TENM4: variants seen among roughly 807,000 people sequenced by gnomAD.
TENM4 encodes the protein teneurin transmembrane protein 4, also known as teneurin-4.
Under a neutral mutation model 243.3 loss-of-function variants are expected in TENM4, and 82 were observed. The observed-to-expected ratio is 0.34, with a 90% CI of 0.28 to 0.40. The LOEUF is 0.40. Among genes scored for constraint, TENM4 ranks in the 10% least tolerant of loss-of-function variants. The pLI is 1.00. For synonymous variants in TENM4, 1,412 were observed against 1,456.3 expected (o/e 0.97, Z 0.69); for missense variants, 3,138 against 3,673.3 (o/e 0.85, Z 3.77).
intron 1 of TENM4, among the ~76,000 whole-genome samples, chr11:79,342,757 G>A (rs1446936492): frequency 6.6e-6 from 1 of 152,114 alleles, no homozygotes; most frequent in Admixed American, 6.5e-5. Context: ...GAGAAATTCT[G>A]CTCTAAGCCT....
At position 79,184,067 on chromosome 11, in the gene TENM4, G is replaced by A. The variant is rs539536707; in HGVS notation, c.-163+31741C>T. On this transcript the variant is annotated intron_variant, in intron 3 of 33. Coordinates refer to ENST00000278550, the MANE Select transcript of TENM4 (RefSeq NM_001098816.3). ...GATGTTTGTACATCTATGTTCACAG[G>A]AGCATTATTGACAACAGTCAAAAGA... Among the ~76,000 whole-genome samples, 1,015 of 152,290 alleles carry A rather than the reference G, an allele frequency of 6.7e-3. 7 individuals are homozygous for A. Among genetic ancestry groups the A allele is most frequent in the African/African-American group, 0.022 (927 of 41,548 alleles).
Position 78,654,317 on chromosome 11 carries a change from G to A in TENM4, c.*3741C>T, listed in dbSNP as rs1857838185. The A allele has an allele frequency of 6.6e-6, 1 of 152,120 alleles. No homozygotes were observed. Among genetic ancestry groups the A allele is most frequent in the African/African-American group, 2.4e-5 (1 of 41,414 alleles). The allele number at this position is 152,120 out of a possible 1,614,324, so 9.4% of individuals were successfully genotyped here. ...GAGCTTGAAAGCTCATTCCTCCTGG[G>A]CAGAAAGCTCAGCATCACCGCCCTC... On this transcript the variant is annotated 3_prime_UTR_variant, in exon 34 of 34. Transcript: ENST00000278550.
chr11:78,801,748 A>G (rs1400704010), intron 15 of TENM4, among the ~76,000 whole-genome samples: 1 of 152,140 alleles, frequency 6.6e-6, no homozygotes, highest in Non-Finnish European at 1.5e-5. Flanking sequence ...AGAACCCAGA[A>G]CCAATGCTGA....
intron 16 of TENM4, among the ~76,000 whole-genome samples, chr11:78,783,497 T>A (rs761983327): frequency 3.3e-5 from 5 of 152,116 alleles, no homozygotes; most frequent in Non-Finnish European, 5.9e-5. Context: ...CTGTGGGCAG[T>A]GGAGGAGGGG....
intron 1 of TENM4, among the ~76,000 whole-genome samples, chr11:79,311,105 G>C (rs142370661): frequency 6.6e-6 from 1 of 152,208 alleles, no homozygotes; most frequent in South Asian, 2.1e-4. Flanking sequence ...GGCGAATGTC[G>C]TAGCTAACAC....
At chr11:79,210,806 G>T (rs1863941231) in intron 3 of TENM4, among the ~76,000 whole-genome samples, 1 of 152,098 alleles carries the variant, frequency 6.6e-6, no homozygotes, top group African/African-American at 2.4e-5. Flanking sequence ...TAGATAACGG[G>T]CATTACTTTA....
intron 3 of TENM4, among the ~76,000 whole-genome samples, chr11:79,203,717 A>G (rs1863792402): frequency 1.3e-5 from 2 of 152,188 alleles, no homozygotes; most frequent in Non-Finnish European, 2.9e-5. Context: ...ACAGTCTCTA[A>G]TTGTGGATTT....
chr11:78,803,754 G>A (rs550285843), intron 15 of TENM4, among the ~76,000 whole-genome samples: 81 of 152,292 alleles, frequency 5.3e-4, no homozygotes, highest in African/African-American at 1.7e-3. Flanking sequence ...AGTGCAAGAC[G>A]CAGTTATATA....
At chr11:78,676,845 T>C (rs535859131) in intron 29 of TENM4, among the ~76,000 whole-genome samples, 1 of 152,352 alleles carries the variant, frequency 6.6e-6, no homozygotes, top group Admixed American at 6.5e-5. Flanking sequence ...CCACTGTATA[T>C]ATTTAGTTTA....
chr11:79,311,467 C>A (rs1333654852), intron 1 of TENM4, among the ~76,000 whole-genome samples: 1 of 152,242 alleles, frequency 6.6e-6, no homozygotes, highest in Non-Finnish European at 1.5e-5. Flanking sequence ...GGAACAGACA[C>A]AGCGGATGTG....
At chr11:78,776,431 C>G (rs2136007814) in intron 17 of TENM4, among the ~76,000 whole-genome samples, 1 of 152,258 alleles carries the variant, frequency 6.6e-6, no homozygotes, top group East Asian at 1.9e-4. Flanking sequence ...GAGCAGGGAC[C>G]ATATCTGTTA....
chr11:79,231,544 C>T (rs944809677), intron 2 of TENM4, among the ~76,000 whole-genome samples: 1 of 152,150 alleles, frequency 6.6e-6, no homozygotes, highest in African/African-American at 2.4e-5. Flanking sequence ...CATCAGGGGG[C>T]TTACATCCAG....
intron 7 of TENM4, among the ~76,000 whole-genome samples, chr11:78,901,731 C>A (rs991861108): frequency 3.3e-5 from 5 of 152,100 alleles, no homozygotes; most frequent in African/African-American, 1.2e-4. Flanking sequence ...CTACCCTGGG[C>A]AGGCTGACAC....
chr11:79,237,560 C>T (rs889188555), intron 2 of TENM4, among the ~76,000 whole-genome samples: 1 of 152,164 alleles, frequency 6.6e-6, no homozygotes, highest in Non-Finnish European at 1.5e-5. Context: ...ACCTATAATC[C>T]CAGCTACTTG....
intron 6 of TENM4, among the ~76,000 whole-genome samples, chr11:78,983,375 T>C (rs1365710902): frequency 1.3e-5 from 2 of 152,214 alleles, no homozygotes; most frequent in Admixed American, 6.5e-5. Flanking sequence ...ACCTGTTAGA[T>C]ATTTTAATAT....
At position 78,658,454 on chromosome 11, in the gene TENM4, C is replaced by T. The variant is rs1857952461; in HGVS notation, c.7914G>A (p.Arg2638=). Reference sequence around the variant, plus strand: ...CGTTGACCCCATTCTCCAGGGTTCGCCGCCCCCCACTGAGGCCCAGGATGG... The same window carrying T: ...CGTTGACCCCATTCTCCAGGGTTCGTCGCCCCCCACTGAGGCCCAGGATGG... ...DLAILGLSGG[R]RTLENGVNVT... Residue 2638 remains arginine (R), a synonymous_variant, in exon 34 of 34, where the codon CGG becomes CGA. Coordinates refer to ENST00000278550, the MANE Select transcript of TENM4 (RefSeq NM_001098816.3). 2 of 1,613,914 alleles carry T rather than the reference C, an allele frequency of 1.2e-6. No individual in the cohort carries two copies. The highest frequency in any genetic ancestry group is 1.7e-5 in the Admixed American group (1 of 60,014).
chr11:79,303,864 G>C (rs1158900610), intron 1 of TENM4, among the ~76,000 whole-genome samples: 2 of 152,138 alleles, frequency 1.3e-5, no homozygotes, highest in African/African-American at 4.8e-5. Flanking sequence ...ATGGGGTTTG[G>C]GCTGGTAGCG....
intron 3 of TENM4, among the ~76,000 whole-genome samples, chr11:79,204,226 T>TA (rs1734023665): frequency 1.3e-5 from 2 of 152,212 alleles, no homozygotes. Flanking sequence ...CTGCAAATAG[T>TA]AAAAAGCACT....
Position 78,756,833 on chromosome 11 carries a change from T to TCC in TENM4, c.2727_2728insGG (p.Ile910GlyfsTer20), listed in dbSNP as rs1856319771. 43 of 1,613,580 alleles carry TCC rather than the reference T, an allele frequency of 2.7e-5. No individual in the cohort carries two copies. The highest frequency in any genetic ancestry group is 3.5e-5 in the Non-Finnish European group (41 of 1,179,790). ...CCATCAAAGGGGTTCTCCCCGGGGA[T>TCC]TATGTGCGTGCTGTCCCTGCCCACG... On this transcript the variant is annotated frameshift_variant, in exon 19 of 34. Transcript: ENST00000278550. LOFTEE classifies it high-confidence loss of function.
Sources: allele counts gnomAD v4.1 joint callset (sites outside exome capture counted in the v4.1 genomes callset), GRCh38; gene constraint gnomAD v4.1.1; transcripts MANE v1.5; gene names NCBI Gene and HGNC (gene_info 2026-07-23, HGNC 2026-07-21).